Variants in SLC14A2 observed in about 807,000 individuals in gnomAD.
SLC14A2 encodes the protein solute carrier family 14 member 2.
Under a neutral mutation model 104.6 loss-of-function variants are expected in SLC14A2, and 91 were observed. The ratio of observed to expected loss-of-function variants is 0.87; its 90% CI spans 0.73 to 1.04. The LOEUF is 1.04. SLC14A2 is among the 50% of genes least tolerant of loss of function. The pLI is 0.00. For synonymous variants in SLC14A2, 476 were observed against 466.4 expected, an observed-to-expected ratio of 1.02 and a Z score of -0.27; for missense variants, 1,189 against 1,156.0, an observed-to-expected ratio of 1.03 and a Z score of -0.41.
chr18:45,382,859 G>A (rs1185247548), intron 1 of SLC14A2, among the ~76,000 whole-genome samples: 1 of 152,226 alleles, frequency 6.6e-6, no homozygotes, highest in Non-Finnish European at 1.5e-5. Context: ...GAGAGGAAGA[G>A]TTTACTTTAG....
At chr18:45,273,881 G>A (rs1390048052) in intron 1 of SLC14A2, among the ~76,000 whole-genome samples, 1 of 152,050 alleles carries the variant, frequency 6.6e-6, no homozygotes, top group Non-Finnish European at 1.5e-5. Flanking sequence ...AGTATTGAAG[G>A]GTGAAGAAAA....
intron 1 of SLC14A2, among the ~76,000 whole-genome samples, chr18:45,288,740 A>C (rs2084840245): frequency 6.6e-6 from 1 of 152,196 alleles, no homozygotes; most frequent in Non-Finnish European, 1.5e-5. Flanking sequence ...GTCATTCTGC[A>C]AGTGCAGACA....
At chr18:45,521,200 A>G (rs554896237) in intron 2 of SLC14A2, among the ~76,000 whole-genome samples, 1 of 152,364 alleles carries the variant, frequency 6.6e-6, no homozygotes, top group Admixed American at 6.5e-5. Context: ...TGCCAGTTTG[A>G]TGATGGGCTT....
At chr18:45,329,970 T>C (rs1226252050) in intron 1 of SLC14A2, among the ~76,000 whole-genome samples, 1 of 152,238 alleles carries the variant, frequency 6.6e-6, no homozygotes, top group African/African-American at 2.4e-5. Context: ...TTATGTTGTG[T>C]GCAGTGACAA....
chr18:45,219,088 G>A (rs954277357), intron 1 of SLC14A2, among the ~76,000 whole-genome samples: 12 of 152,144 alleles, frequency 7.9e-5, no homozygotes, highest in African/African-American at 1.4e-4. Flanking sequence ...CTCTCAAAGC[G>A]CTGACCTCAG....
intron 1 of SLC14A2, among the ~76,000 whole-genome samples, chr18:45,481,222 C>G (rs2087486969): frequency 6.6e-6 from 1 of 152,030 alleles, no homozygotes; most frequent in Admixed American, 6.6e-5. Flanking sequence ...CCTCTCTCCT[C>G]CCTCTTTGTG....
chr18:45,605,044 G>T (rs553359182), intron 2 of SLC14A2, among the ~76,000 whole-genome samples: 1 of 152,016 alleles, frequency 6.6e-6, no homozygotes, highest in Non-Finnish European at 1.5e-5. Context: ...ACTCTTCCCC[G>T]CAGTGATCAT....
At chr18:45,664,829 G>C (rs1164785919) in intron 11 of SLC14A2, among the ~76,000 whole-genome samples, 4 of 152,202 alleles carry the variant, frequency 2.6e-5, no homozygotes, top group African/African-American at 9.7e-5. Context: ...TAGCTCAGGA[G>C]TTTGTCTTTG....
At chr18:45,302,807 T>C (rs1568142850) in intron 1 of SLC14A2, among the ~76,000 whole-genome samples, 1 of 152,198 alleles carries the variant, frequency 6.6e-6, no homozygotes, top group African/African-American at 2.4e-5. Flanking sequence ...AGATAGGACA[T>C]GTTTACATAA....
intron 1 of SLC14A2, among the ~76,000 whole-genome samples, chr18:45,318,628 A>C (rs1434039813): frequency 2.6e-5 from 4 of 151,984 alleles, no homozygotes; most frequent in Non-Finnish European, 4.4e-5. Flanking sequence ...TCTCTACTAA[A>C]AATACAAAAT....
At chr18:45,544,860 G>A (rs11660148) in intron 2 of SLC14A2, among the ~76,000 whole-genome samples, 1 of 139,108 alleles carries the variant, frequency 7.2e-6, no homozygotes, top group Non-Finnish European at 1.5e-5. Flanking sequence ...TGGCACAATC[G>A]CGGCTCACTG....
the SLC14A2 span, among the ~76,000 whole-genome samples, chr18:45,177,903 C>G: frequency 6.6e-6 from 1 of 152,138 alleles, no homozygotes; most frequent in Non-Finnish European, 1.5e-5. Context: ...AGTAAGGACA[C>G]TGGTACCATG....
intron 10 of SLC14A2, among the ~76,000 whole-genome samples, chr18:45,652,243 T>C (rs1419635814): frequency 2.0e-5 from 3 of 152,262 alleles, no homozygotes; most frequent in Middle Eastern, 3.2e-3. Context: ...ATTCACATTT[T>C]ATGTGAGACT....
chr18:45,486,292 C>A (rs573992094), intron 2 of SLC14A2, among the ~76,000 whole-genome samples: 55 of 151,972 alleles, frequency 3.6e-4, no homozygotes, highest in African/African-American at 1.3e-3. Flanking sequence ...CTGTGTCTTG[C>A]GGGTTTATAA....
chr18:45,553,957 C>T (rs953836670), intron 2 of SLC14A2, among the ~76,000 whole-genome samples: 3 of 152,306 alleles, frequency 2.0e-5, no homozygotes, highest in Middle Eastern at 3.4e-3. Context: ...ATGGTGTATG[C>T]TGTGCTGCAA....
chr18:45,247,191 T>C (rs1050514393), intron 1 of SLC14A2, among the ~76,000 whole-genome samples: 4 of 152,252 alleles, frequency 2.6e-5, no homozygotes, highest in Non-Finnish European at 2.9e-5. Flanking sequence ...ATTTCGGCAC[T>C]GTTAGCAGAA....
At chr18:45,232,711 A>G (rs962558144) in intron 1 of SLC14A2, among the ~76,000 whole-genome samples, 17 of 152,226 alleles carry the variant, frequency 1.1e-4, no homozygotes, top group Non-Finnish European at 5.9e-5. Context: ...TAAATCTGTC[A>G]TAAGTTCAGC....
the SLC14A2 span, among the ~76,000 whole-genome samples, chr18:45,206,428 C>T: frequency 8.7e-3 from 1,282 of 147,440 alleles, 28 homozygotes; most frequent in African/African-American, 0.03. Context: ...TACACACACA[C>T]GTACACACAC....
intron 2 of SLC14A2, among the ~76,000 whole-genome samples, chr18:45,512,062 G>T (rs541994129): frequency 7.7e-4 from 118 of 152,304 alleles, no homozygotes; most frequent in African/African-American, 2.6e-3. Context: ...ACTAAAGTTT[G>T]AGGTGCTATT....
Sources: allele counts gnomAD v4.1 joint callset (sites outside exome capture counted in the v4.1 genomes callset), GRCh38; gene constraint gnomAD v4.1.1; transcripts MANE v1.5; gene names NCBI Gene and HGNC (gene_info 2026-07-23, HGNC 2026-07-21).